HHIPL1: variants seen among roughly 807,000 people sequenced by gnomAD.
HHIPL1 encodes HHIP-like protein 1.
Under a neutral mutation model 61.8 loss-of-function variants are expected in HHIPL1, and 43 were observed. The observed-to-expected ratio is 0.70, with a 90% CI of 0.55 to 0.90. The LOEUF (loss-of-function observed/expected upper bound fraction) is 0.90, where lower values mean the gene tolerates loss of function less well. HHIPL1 is among the 40% of genes least tolerant of loss of function. The probability of loss-of-function intolerance (pLI) is 0.00; values close to 1 mark genes in which losing one functional copy is unlikely to be tolerated. For synonymous variants in HHIPL1, 482 were observed against 515.8 expected (o/e 0.93, Z 0.89); for missense variants, 1,056 against 1,157.7 (o/e 0.91, Z 1.28).
rs753292488 is a variant in HHIPL1, at chr14:99,659,594, G to T, written c.1213G>T (p.Asp405Tyr). The T allele has an allele frequency of 7.1e-6, 11 of 1,552,156 alleles. No homozygotes were observed. The highest frequency in any genetic ancestry group is 9.5e-6 in the Non-Finnish European group (11 of 1,152,064). The change falls in exon 4 of 9, where the codon GAC (aspartate) becomes TAC (tyrosine). Residue 405 changes from aspartate to tyrosine, a missense_variant. By Grantham distance (160) the Asp-to-Tyr change is radical. Coordinates refer to ENST00000330710, the MANE Select transcript of HHIPL1 (RefSeq NM_001127258.3). ...NMWRCSFDRG[D>Y]PSSGTGRGRL... is the part of the protein sequence containing the mutation. ...GTGGCGCTGCTCCTTCGACCGTGGC[G>T]ACCCCTCCTCGGGCACTGGCCGCGG...
the HHIPL1 span, among the ~76,000 whole-genome samples, chr14:99,605,463 A>G: frequency 2.6e-5 from 4 of 151,504 alleles, no homozygotes; most frequent in African/African-American, 9.7e-5. Flanking sequence ...CACGGCCTGG[A>G]GCGCGCGCCC....
intron 7 of HHIPL1, among the ~76,000 whole-genome samples, chr14:99,671,800 T>C (rs1280521446): frequency 6.6e-6 from 1 of 152,062 alleles, no homozygotes; most frequent in African/African-American, 2.4e-5. Context: ...TTGCTTTCCT[T>C]ACCACCCCCG....
intron 5 of HHIPL1, among the ~76,000 whole-genome samples, chr14:99,661,918 A>ACCTGGGC (rs2056159272): frequency 6.6e-6 from 1 of 152,068 alleles, no homozygotes; most frequent in South Asian, 2.1e-4. Flanking sequence ...GAGATACCTG[A>ACCTGGGC]CCTGGGCCCC....
chr14:99,671,736 A>G (rs760432959), intron 7 of HHIPL1, among the ~76,000 whole-genome samples: 3 of 151,954 alleles, frequency 2.0e-5, no homozygotes, highest in Non-Finnish European at 4.4e-5. Flanking sequence ...CTGCTCTCTC[A>G]CACCCCACAT....
chr14:99,670,554 T>C (rs1338540875), intron 7 of HHIPL1, among the ~76,000 whole-genome samples: 1 of 148,126 alleles, frequency 6.8e-6, no homozygotes, highest in Non-Finnish European at 1.5e-5. Context: ...TTTACCAGAC[T>C]TTTTTTTTTC....
the HHIPL1 span, among the ~76,000 whole-genome samples, chr14:99,618,176 G>T: frequency 6.6e-6 from 1 of 152,162 alleles, no homozygotes; most frequent in Non-Finnish European, 1.5e-5. Flanking sequence ...GGTGGGGGTT[G>T]CCCTAGAGAG....
chr14:99,645,160 G>A lies in HHIPL1; in HGVS notation c.-48G>A, dbSNP rs1297698500. 8.0e-7 allele frequency: 1 copy of A among 1,247,596 alleles called. No individual in the cohort carries two copies. The highest frequency in any genetic ancestry group is 1.6e-5 in the African/African-American group (1 of 64,030). The allele number at this position is 1,247,596 out of a possible 1,614,324, so 77.3% of individuals were successfully genotyped here. ...CCTGCCGCCGCGAGCGCCCCGGGAG[G>A]GGACCGGGGCTGCCGTCCCTCCGCC... On this transcript the variant is annotated 5_prime_UTR_variant, in exon 1 of 9. Coordinates refer to ENST00000330710, the MANE Select transcript of HHIPL1 (RefSeq NM_001127258.3).
chr14:99,622,278 G>A, the HHIPL1 span, among the ~76,000 whole-genome samples: 1 of 152,170 alleles, frequency 6.6e-6, no homozygotes, highest in Non-Finnish European at 1.5e-5. Flanking sequence ...TAGGGATGAA[G>A]GCAGAGATCT....
Position 99,645,165 on chromosome 14 carries a change from C to A in HHIPL1, c.-43C>A. On this transcript the variant is annotated 5_prime_UTR_variant, in exon 1 of 9. Coordinates refer to ENST00000330710, the MANE Select transcript of HHIPL1 (RefSeq NM_001127258.3). ...CGCCGCGAGCGCCCCGGGAGGGGAC[C>A]GGGGCTGCCGTCCCTCCGCCTCTTC... The A allele has an allele frequency of 1.6e-6, 2 of 1,253,646 alleles. No individual in the cohort carries two copies. Among genetic ancestry groups the A allele is most frequent in the Non-Finnish European group, 2.0e-6 (2 of 999,696 alleles). The allele number at this position is 1,253,646 out of a possible 1,614,324, so 77.7% of individuals were successfully genotyped here.
At chr14:99,669,609 A>G (rs1185979614) in intron 7 of HHIPL1, among the ~76,000 whole-genome samples, 1 of 152,202 alleles carries the variant, frequency 6.6e-6, no homozygotes, top group Non-Finnish European at 1.5e-5. Context: ...AAAAAGAAAA[A>G]TTCTAAAACA....
chr14:99,606,276 G>T, the HHIPL1 span, among the ~76,000 whole-genome samples: 1 of 152,152 alleles, frequency 6.6e-6, no homozygotes, highest in Admixed American at 6.5e-5. Context: ...CTGCTCTGCT[G>T]GTCCAGCACA....
intron 1 of HHIPL1, among the ~76,000 whole-genome samples, chr14:99,646,343 C>T (rs562322776): frequency 6.6e-6 from 1 of 152,260 alleles, no homozygotes; most frequent in African/African-American, 2.4e-5. Context: ...GGGCCAGGGC[C>T]GTGTCCCAGC....
At chr14:99,623,957 TTA>T in the HHIPL1 span, among the ~76,000 whole-genome samples, 43 of 152,292 alleles carry the variant, frequency 2.8e-4, 1 homozygote, top group East Asian at 6.8e-3. Context: ...CTCTGCTTTG[TTA>T]TTGAAGGAAA....
In HHIPL1 at chr14:99,645,158, AG is replaced by A; in HGVS notation, c.-46del. On this transcript the variant is annotated 5_prime_UTR_variant, in exon 1 of 9. Coordinates refer to ENST00000330710, the MANE Select transcript of HHIPL1 (RefSeq NM_001127258.3). The stretch of plus-strand genomic sequence containing the variant: ...TCCCTGCCGCCGCGAGCGCCCCGGG[AG>A]GGGACCGGGGCTGCCGTCCCTCCGC... 8.0e-7 allele frequency: 1 copy of A among 1,246,418 alleles called. No individual in the cohort carries two copies. The highest frequency in any genetic ancestry group is 3.2e-5 in the South Asian group (1 of 31,150). 77.2% of individuals were successfully genotyped at this position (1,246,418 alleles called of 1,614,324 possible). A position where few individuals can be genotyped will look rare whatever the true frequency, so the allele number is the denominator to read the frequency against.
intron 6 of HHIPL1, among the ~76,000 whole-genome samples, chr14:99,666,748 G>A (rs1038557983): frequency 9.2e-5 from 14 of 152,146 alleles, no homozygotes; most frequent in East Asian, 5.8e-4. Flanking sequence ...CATTCCACCC[G>A]GGGACCCCCA....
chr14:99,639,206 T>C, the HHIPL1 span, among the ~76,000 whole-genome samples: 1 of 152,270 alleles, frequency 6.6e-6, no homozygotes, highest in Non-Finnish European at 1.5e-5. Context: ...CTGAAATGAA[T>C]GTGGTGACTC....
upstream of HHIPL1, among the ~76,000 whole-genome samples, chr14:99,641,573 C>G (rs933485940): frequency 2.6e-5 from 4 of 152,014 alleles, no homozygotes; most frequent in Non-Finnish European, 5.9e-5. Context: ...GCCACCATGC[C>G]TGGCTAATTT....
At position 99,663,037 on chromosome 14, in the gene HHIPL1, A is replaced by G. The variant is rs1334943160; in HGVS notation, c.1648+16A>G. On this transcript the variant is annotated intron_variant, in intron 6 of 8. Coordinates refer to ENST00000330710, the MANE Select transcript of HHIPL1 (RefSeq NM_001127258.3). ...GACGAGGCCGGTGAGCACTCCTGAGACCTCTCCTTGCTGGTTGCTCGTGCC... is the reference window on the plus strand; with the variant it reads ...GACGAGGCCGGTGAGCACTCCTGAGGCCTCTCCTTGCTGGTTGCTCGTGCC... 4.4e-6 allele frequency: 7 copies of G among 1,582,128 alleles called. No homozygotes were observed. Among genetic ancestry groups the G allele is most frequent in the Non-Finnish European group, 6.0e-6 (7 of 1,164,828 alleles).
chr14:99,626,824 C>T, the HHIPL1 span, among the ~76,000 whole-genome samples: 7 of 152,318 alleles, frequency 4.6e-5, no homozygotes, highest in South Asian at 2.1e-4. Context: ...GGCTCCTCTG[C>T]GCTCCCCTCT....
Sources: gnomAD v4.1 joint callset for allele counts (sites outside exome capture counted in the v4.1 genomes callset) on GRCh38, gnomAD v4.1.1 for gene constraint, MANE v1.5 for transcripts, NCBI Gene and HGNC (gene_info 2026-07-23, HGNC 2026-07-21) for gene names.